The following ZNF804B variants were observed in gnomAD, a reference collection of about 807,000 sequenced individuals.
ZNF804B encodes the protein zinc finger 804B.
ZNF804B carries 80 observed loss-of-function variants against 101.4 expected under a neutral mutation model. The observed-to-expected ratio is 0.79, with a 90% CI of 0.66 to 0.95. The LOEUF (loss-of-function observed/expected upper bound fraction) is 0.95, where lower values mean the gene tolerates loss of function less well. ZNF804B is among the 40% of genes least tolerant of loss of function. ZNF804B has a pLI of 0.00. For synonymous variants in ZNF804B, 622 were observed against 558.8 expected (o/e 1.11, Z -1.59); for missense variants, 1,673 against 1,561.9 (o/e 1.07, Z -1.20).
At chr7:88,857,823 T>C (rs1226903403) in intron 1 of ZNF804B, among the ~76,000 whole-genome samples, 1 of 50,746 alleles carries the variant, frequency 2.0e-5, no homozygotes, top group Non-Finnish European at 3.1e-5. Flanking sequence ...CTTTCTTTTC[T>C]TTTTTTTTTT....
chr7:89,129,970 T>G (rs2116378048), intron 1 of ZNF804B, among the ~76,000 whole-genome samples: 1 of 152,170 alleles, frequency 6.6e-6, no homozygotes, highest in African/African-American at 2.4e-5. Context: ...ATATTCCCTT[T>G]AATTTTTCAT....
At chr7:88,949,041 T>C (rs1281857224) in intron 1 of ZNF804B, among the ~76,000 whole-genome samples, 1 of 151,874 alleles carries the variant, frequency 6.6e-6, no homozygotes, top group African/African-American at 2.4e-5. Flanking sequence ...TTGGTGTGTT[T>C]TTTTTTTAAA....
At chr7:88,845,301 G>GTGCACACA (rs1791356426) in intron 1 of ZNF804B, among the ~76,000 whole-genome samples, 2 of 149,920 alleles carry the variant, frequency 1.3e-5, no homozygotes, top group African/African-American at 4.9e-5. Context: ...GCACGCGCGC[G>GTGCACACA]CACACACACA....
chr7:89,305,747 T>C (rs1790552365), intron 2 of ZNF804B, among the ~76,000 whole-genome samples: 3 of 152,088 alleles, frequency 2.0e-5, no homozygotes, highest in South Asian at 4.1e-4. Flanking sequence ...TTCTTTTTTT[T>C]CCCTATACTT....
intron 2 of ZNF804B, among the ~76,000 whole-genome samples, chr7:89,223,821 C>G (rs1789041108): frequency 6.6e-6 from 1 of 151,804 alleles, no homozygotes; most frequent in South Asian, 2.1e-4. Context: ...CTATATATAG[C>G]TCACGTTTTT....
chr7:89,032,252 T>TTTAGG (rs60470899), intron 1 of ZNF804B, among the ~76,000 whole-genome samples: 72,639 of 150,764 alleles, frequency 0.48, 18,072 homozygotes, highest in Middle Eastern at 0.53. Context: ...TTTTTGTGGC[T>TTTAGG]TGTAGGAAAT....
chr7:89,102,561 T>C (rs1339056707), intron 1 of ZNF804B, among the ~76,000 whole-genome samples: 1 of 152,012 alleles, frequency 6.6e-6, no homozygotes, highest in Non-Finnish European at 1.5e-5. Context: ...TGTTTTGGGT[T>C]CTTTGTAGAT....
intron 1 of ZNF804B, among the ~76,000 whole-genome samples, chr7:89,020,077 C>T (rs1166479215): frequency 6.6e-6 from 1 of 152,072 alleles, no homozygotes; most frequent in Non-Finnish European, 1.5e-5. Flanking sequence ...TGTGACAATG[C>T]AGCCACCCAT....
At chr7:89,132,245 C>G (rs950136306) in intron 1 of ZNF804B, among the ~76,000 whole-genome samples, 7 of 151,162 alleles carry the variant, frequency 4.6e-5, no homozygotes, top group African/African-American at 1.7e-4. Flanking sequence ...TTATAGAACA[C>G]AAGACTATAG....
intron 1 of ZNF804B, among the ~76,000 whole-genome samples, chr7:88,870,391 A>G (rs1258775363): frequency 1.4e-5 from 2 of 142,336 alleles, no homozygotes; most frequent in African/African-American, 5.5e-5. Flanking sequence ...TCTCAAAAAA[A>G]AAAAAAAAAA....
chr7:89,264,181 T>C (rs1789750245), intron 2 of ZNF804B, among the ~76,000 whole-genome samples: 1 of 152,208 alleles, frequency 6.6e-6, no homozygotes, highest in Non-Finnish European at 1.5e-5. Context: ...GCCTCTGCTT[T>C]ACCAACAAAC....
intron 1 of ZNF804B, among the ~76,000 whole-genome samples, chr7:88,943,707 C>T (rs12540166): frequency 0.04 from 6,063 of 151,796 alleles, 247 homozygotes; most frequent in East Asian, 0.17. Context: ...TTCTCATTAC[C>T]CCAAAGAGTT....
chr7:88,902,997 A>C (rs890205641), intron 1 of ZNF804B, among the ~76,000 whole-genome samples: 2 of 152,112 alleles, frequency 1.3e-5, no homozygotes, highest in African/African-American at 4.8e-5. Context: ...GGTTTGTTAC[A>C]TGGATATATT....
chr7:88,786,303 T>C (rs1035904016), intron 1 of ZNF804B, among the ~76,000 whole-genome samples: 1 of 152,118 alleles, frequency 6.6e-6, no homozygotes, highest in Non-Finnish European at 1.5e-5. Flanking sequence ...GAGCCCTTTA[T>C]GTGTTTGTGT....
At chr7:89,291,240 A>T (rs73401125) in intron 2 of ZNF804B, among the ~76,000 whole-genome samples, 1 of 152,090 alleles carries the variant, frequency 6.6e-6, no homozygotes, top group Non-Finnish European at 1.5e-5. Context: ...AAATATCCAC[A>T]AGCATTGACA....
intron 2 of ZNF804B, among the ~76,000 whole-genome samples, chr7:89,303,372 G>A (rs1481166542): frequency 6.6e-6 from 1 of 151,884 alleles, no homozygotes; most frequent in Non-Finnish European, 1.5e-5. Flanking sequence ...TATTGGTCCT[G>A]TGAAGATGGC....
At chr7:88,783,567 G>A (rs1307053759) in intron 1 of ZNF804B, among the ~76,000 whole-genome samples, 2 of 152,090 alleles carry the variant, frequency 1.3e-5, no homozygotes, top group Non-Finnish European at 1.5e-5. Flanking sequence ...GATCATTGTC[G>A]AAGGTGAGTG....
intron 1 of ZNF804B, among the ~76,000 whole-genome samples, chr7:89,034,922 G>A (rs1481567815): frequency 6.6e-6 from 1 of 151,980 alleles, no homozygotes; most frequent in Non-Finnish European, 1.5e-5. Flanking sequence ...GTTGTTTCTT[G>A]ACTTTTTAAT....
intron 1 of ZNF804B, among the ~76,000 whole-genome samples, chr7:88,935,612 C>T (rs1792954863): frequency 6.6e-6 from 1 of 151,780 alleles, no homozygotes; most frequent in Non-Finnish European, 1.5e-5. Context: ...GAAAGTCTTT[C>T]CTGCACATGC....
Sources: gnomAD v4.1 joint callset for allele counts (sites outside exome capture counted in the v4.1 genomes callset) on GRCh38, gnomAD v4.1.1 for gene constraint, MANE v1.5 for transcripts, NCBI Gene and HGNC (gene_info 2026-07-23, HGNC 2026-07-21) for gene names.